RASEF: variants seen among roughly 807,000 people sequenced by gnomAD.
RASEF encodes ras and EF-hand domain-containing protein.
Under a neutral mutation model 90.1 loss-of-function variants are expected in RASEF, and 68 were observed. The ratio of observed to expected loss-of-function variants is 0.75; its 90% CI spans 0.62 to 0.92. The LOEUF is 0.92. Among genes scored for constraint, RASEF ranks in the 40% least tolerant of loss-of-function variants. The probability of loss-of-function intolerance (pLI) is 0.00; values close to 1 mark genes in which losing one functional copy is unlikely to be tolerated. For missense variants in RASEF, 949 were observed against 937.2 expected, an observed-to-expected ratio of 1.01 and a Z score of -0.16; for synonymous variants, 331 against 345.2, an observed-to-expected ratio of 0.96 and a Z score of 0.46.
In RASEF at chr9:83,062,552, C is replaced by A; in HGVS notation, c.316G>T (p.Glu106Ter). 1 of 1,601,144 alleles carries A rather than the reference C, an allele frequency of 6.2e-7. No homozygotes were observed. The change falls in exon 1 of 17, where the codon GAA becomes TAA. Residue 106 changes from glutamate (E) to a stop codon, truncating the protein, a stop_gained. Coordinates refer to ENST00000376447, the MANE Select transcript of RASEF (RefSeq NM_152573.4). LOFTEE classifies it high-confidence loss of function. ...GCCGCCGCCGCGTCCTCGTCGCCTT[C>A]GTCCTCCTCGCTGTCGTGTGTCTCC... is the stretch of plus-strand genomic sequence containing the variant. Reference protein sequence around the residue: ...GPETHDSEEDEGDEDAAAALA... With the variant: ...GPETHDSEED
At chr9:83,152,540 C>T in the RASEF span, among the ~76,000 whole-genome samples, 12 of 152,172 alleles carry the variant, frequency 7.9e-5, no homozygotes, top group Admixed American at 2.6e-4. Flanking sequence ...AAATCCATTG[C>T]CTTAATCCAC....
At chr9:83,145,212 C>A in the RASEF span, among the ~76,000 whole-genome samples, 4 of 152,114 alleles carry the variant, frequency 2.6e-5, no homozygotes, top group African/African-American at 9.6e-5. Flanking sequence ...CTATTTATAA[C>A]TATAACAAGG....
intron 1 of RASEF, among the ~76,000 whole-genome samples, chr9:83,054,348 G>C (rs1207380305): frequency 1.3e-4 from 2 of 14,942 alleles, no homozygotes; most frequent in Non-Finnish European, 1.3e-4. Context: ...GGCTCCTGAG[G>C]CTTCTGCATT....
At chr9:83,117,340 G>A in the RASEF span, among the ~76,000 whole-genome samples, 1 of 152,134 alleles carries the variant, frequency 6.6e-6, no homozygotes, top group Admixed American at 6.5e-5. Flanking sequence ...GAGCCTATAC[G>A]TTGGTCTCCA....
At chr9:83,048,047 C>T (rs1044416903) in intron 1 of RASEF, 2 of 904,274 alleles carry the variant, frequency 2.2e-6, no homozygotes, top group African/African-American at 3.6e-5. Context: ...TGAGAAGTGG[C>T]TTTCCTCCCA....
chr9:83,086,646 T>A, the RASEF span, among the ~76,000 whole-genome samples: 8 of 152,156 alleles, frequency 5.3e-5, no homozygotes, highest in Admixed American at 1.3e-4. Flanking sequence ...GGAGTTTGTT[T>A]CCAAGCTCCC....
rs188420976 is a variant in RASEF at position 83,046,250 on chromosome 9, A to G, written c.431+16187T>C. ...AAGATACCCACAGGTATTCTGAACT[A>G]CTGTATTTCTATGTCTATTAAGAAT... On this transcript the variant is annotated intron_variant, in intron 1 of 16. Transcript: ENST00000376447. Among the ~76,000 whole-genome samples the G allele has an allele frequency of 3.0e-4, 46 of 152,228 alleles. 2 individuals carry two copies. The highest frequency in any genetic ancestry group is 3.9e-4 in the Admixed American group (6 of 15,280).
the RASEF span, among the ~76,000 whole-genome samples, chr9:83,075,011 C>T: frequency 8.8e-3 from 1,331 of 152,024 alleles, 21 homozygotes; most frequent in African/African-American, 0.03. Flanking sequence ...AAGAAAATAC[C>T]AACTGACCAT....
the RASEF span, among the ~76,000 whole-genome samples, chr9:83,216,153 A>G: frequency 6.6e-6 from 1 of 152,196 alleles, no homozygotes; most frequent in East Asian, 1.9e-4. Context: ...TGACAATGTG[A>G]TGGAAAAGAA....
the RASEF span, among the ~76,000 whole-genome samples, chr9:83,187,089 T>G: frequency 6.6e-6 from 1 of 152,232 alleles, no homozygotes; most frequent in African/African-American, 2.4e-5. Context: ...GCCCCTCAGA[T>G]TACTCAAACT....
At chr9:83,133,473 A>G in the RASEF span, among the ~76,000 whole-genome samples, 1 of 152,160 alleles carries the variant, frequency 6.6e-6, no homozygotes, top group African/African-American at 2.4e-5. Flanking sequence ...AACAGGAGTG[A>G]GGAGTTACTC....
intron 1 of RASEF, among the ~76,000 whole-genome samples, chr9:83,031,887 G>C (rs1285239063): frequency 6.6e-6 from 1 of 152,126 alleles, no homozygotes; most frequent in Middle Eastern, 3.2e-3. Flanking sequence ...CTGCCTGTGT[G>C]CTTCGCTTGG....
chr9:83,037,367 T>C (rs1360701158), intron 1 of RASEF, among the ~76,000 whole-genome samples: 2 of 151,924 alleles, frequency 1.3e-5, no homozygotes, highest in Non-Finnish European at 2.9e-5. Flanking sequence ...TTTTTCCCCA[T>C]CCACTGAATG....
chr9:83,048,009 G>T, intron 1 of RASEF: 1 of 524,904 alleles, frequency 1.9e-6, no homozygotes, highest in South Asian at 8.2e-5. Flanking sequence ...CATGGCAGCT[G>T]CTGTCCAGAG....
At chr9:83,187,680 C>A in the RASEF span, among the ~76,000 whole-genome samples, 1 of 152,166 alleles carries the variant, frequency 6.6e-6, no homozygotes, top group Admixed American at 6.5e-5. Context: ...AATGTAATCT[C>A]CAGCTGATAC....
chr9:83,070,754 A>G, the RASEF span, among the ~76,000 whole-genome samples: 1 of 152,168 alleles, frequency 6.6e-6, no homozygotes, highest in Non-Finnish European at 1.5e-5. Context: ...GAATCTGCCC[A>G]TCAATGAGAT....
intron 6 of RASEF, among the ~76,000 whole-genome samples, chr9:83,007,990 T>C (rs190438732): frequency 3.9e-4 from 59 of 152,238 alleles, no homozygotes; most frequent in Non-Finnish European, 7.4e-4. Flanking sequence ...CATCTCACAC[T>C]ACTCCTGCTC....
chr9:83,044,583 G>A (rs1033684564), intron 1 of RASEF, among the ~76,000 whole-genome samples: 1 of 151,556 alleles, frequency 6.6e-6, no homozygotes, highest in Admixed American at 6.6e-5. Flanking sequence ...GCATTTGGAA[G>A]GTGGGGGAAT....
chr9:83,111,788 G>T, the RASEF span, among the ~76,000 whole-genome samples: 15 of 151,798 alleles, frequency 9.9e-5, no homozygotes, highest in African/African-American at 3.6e-4. Flanking sequence ...TAATTTTAGG[G>T]TATCAAAGCC....
Sources: allele counts gnomAD v4.1 joint callset (sites outside exome capture counted in the v4.1 genomes callset), GRCh38; gene constraint gnomAD v4.1.1; transcripts MANE v1.5; gene names NCBI Gene and HGNC (gene_info 2026-07-23, HGNC 2026-07-21).